TOX: variants seen among roughly 807,000 people sequenced by gnomAD.
TOX encodes the protein thymocyte selection associated high mobility group box, also known as thymocyte selection-associated high mobility group box protein TOX.
In TOX, 11 loss-of-function variants were observed where a neutral mutation model predicts 53.7. That is an observed-to-expected ratio of 0.20 (90% CI 0.13 to 0.34). The LOEUF (loss-of-function observed/expected upper bound fraction) is 0.34, where lower values mean the gene tolerates loss of function less well. TOX is among the 10% of genes least tolerant of loss of function. The pLI is 1.00. For missense variants in TOX, 570 were observed against 664.6 expected (o/e 0.86, Z 1.56); for synonymous variants, 225 against 245.3 (o/e 0.92, Z 0.77).
intron 1 of TOX, among the ~76,000 whole-genome samples, chr8:58,970,921 G>A (rs896451836): frequency 4.6e-5 from 7 of 152,124 alleles, no homozygotes; most frequent in Admixed American, 4.6e-4. Flanking sequence ...TAATTTTCCA[G>A]GGATACTGGA....
chr8:58,876,914 C>G (rs2129170514), intron 3 of TOX, among the ~76,000 whole-genome samples: 1 of 152,282 alleles, frequency 6.6e-6, no homozygotes, highest in South Asian at 2.1e-4. Context: ...TGAGAATGTT[C>G]TGAATTCCAA....
At chr8:58,999,970 A>G (rs980719364) in intron 1 of TOX, among the ~76,000 whole-genome samples, 1 of 152,218 alleles carries the variant, frequency 6.6e-6, no homozygotes, top group Non-Finnish European at 1.5e-5. Flanking sequence ...TTTCACTGGA[A>G]TTCTGCAAGC....
chr8:58,839,772 T>C (rs548834657), intron 4 of TOX, among the ~76,000 whole-genome samples: 3 of 152,258 alleles, frequency 2.0e-5, no homozygotes, highest in South Asian at 4.1e-4. Context: ...GTAATATGTA[T>C]CTTATTTAGA....
chr8:58,968,073 G>A (rs1024600464), intron 1 of TOX, among the ~76,000 whole-genome samples: 2 of 152,158 alleles, frequency 1.3e-5, no homozygotes, highest in African/African-American at 4.8e-5. Flanking sequence ...CCTATATCAT[G>A]AAAGCATTAC....
At chr8:59,107,661 T>G (rs1185550373) in intron 1 of TOX, among the ~76,000 whole-genome samples, 1 of 152,140 alleles carries the variant, frequency 6.6e-6, no homozygotes, top group Non-Finnish European at 1.5e-5. Flanking sequence ...CACTACCAGA[T>G]AGAGAGAGAG....
chr8:58,963,335 ATAGATAGG>A (rs927233865), intron 1 of TOX, among the ~76,000 whole-genome samples: 2 of 152,062 alleles, frequency 1.3e-5, no homozygotes, highest in Non-Finnish European at 2.9e-5. Context: ...AGATAGATAG[ATAGATAGG>A]TAGATAGATA....
intron 3 of TOX, among the ~76,000 whole-genome samples, chr8:58,904,367 G>A (rs1811780682): frequency 6.6e-6 from 1 of 152,052 alleles, no homozygotes; most frequent in Admixed American, 6.6e-5. Flanking sequence ...GTTTCCAGTG[G>A]GGGTAAAATA....
At chr8:58,992,822 G>A (rs1056480082) in intron 1 of TOX, 5 of 152,132 alleles carry the variant, frequency 3.3e-5, no homozygotes, top group African/African-American at 7.2e-5. Context: ...TGAAGATGGA[G>A]ATAAAAAAGG....
At chr8:59,103,980 G>A (rs181686554) in intron 1 of TOX, among the ~76,000 whole-genome samples, 71 of 152,258 alleles carry the variant, frequency 4.7e-4, no homozygotes, top group African/African-American at 1.6e-3. Context: ...CTTCATATGT[G>A]CTTTAAGAAG....
intron 1 of TOX, among the ~76,000 whole-genome samples, chr8:59,108,683 C>T (rs28425531): frequency 2.1e-5 from 3 of 145,800 alleles, no homozygotes; most frequent in Non-Finnish European, 4.5e-5. Flanking sequence ...CACACACACA[C>T]ACATACACAC....
At chr8:59,025,026 A>G (rs1229265835) in intron 1 of TOX, among the ~76,000 whole-genome samples, 1 of 152,144 alleles carries the variant, frequency 6.6e-6, no homozygotes, top group Non-Finnish European at 1.5e-5. Flanking sequence ...CAATCTCCAT[A>G]TTTCTACCAC....
intron 3 of TOX, among the ~76,000 whole-genome samples, chr8:58,932,643 G>T (rs113631011): frequency 1.3e-5 from 2 of 152,194 alleles, no homozygotes; most frequent in African/African-American, 4.8e-5. Context: ...TTTCTGCTTG[G>T]CTTTGAAAGC....
intron 2 of TOX, among the ~76,000 whole-genome samples, chr8:58,952,857 T>C (rs772929280): frequency 2.0e-5 from 3 of 152,168 alleles, no homozygotes; most frequent in Non-Finnish European, 4.4e-5. Flanking sequence ...GAAATGTATA[T>C]GATACACAAC....
At chr8:59,032,215 C>G (rs1814371181) in intron 1 of TOX, among the ~76,000 whole-genome samples, 1 of 151,916 alleles carries the variant, frequency 6.6e-6, no homozygotes, top group Admixed American at 6.6e-5. Flanking sequence ...CCCTAAGTAA[C>G]TAGGATGGAA....
chr8:58,914,932 A>T (rs988797824), intron 3 of TOX, among the ~76,000 whole-genome samples: 13 of 152,070 alleles, frequency 8.5e-5, no homozygotes, highest in African/African-American at 3.1e-4. Flanking sequence ...AGTCAAAGAA[A>T]GGGGTGATGG....
chr8:58,858,362 C>T (rs145330409), intron 3 of TOX, among the ~76,000 whole-genome samples: 184 of 152,340 alleles, frequency 1.2e-3, no homozygotes, highest in African/African-American at 4.2e-3. Flanking sequence ...AACACACCAG[C>T]CTTGAAAGCT....
At chr8:58,910,557 C>A (rs536392103) in intron 3 of TOX, among the ~76,000 whole-genome samples, 1 of 152,102 alleles carries the variant, frequency 6.6e-6, no homozygotes, top group Non-Finnish European at 1.5e-5. Context: ...TTTGTTGGGG[C>A]ATGTTGTGAC....
At chr8:59,086,284 C>A (rs905511620) in intron 1 of TOX, among the ~76,000 whole-genome samples, 9 of 152,132 alleles carry the variant, frequency 5.9e-5, no homozygotes, top group Non-Finnish European at 1.3e-4. Context: ...CATACCCGGA[C>A]TAAAGCCCAC....
intron 1 of TOX, among the ~76,000 whole-genome samples, chr8:58,993,444 C>T (rs1038452617): frequency 6.6e-6 from 1 of 152,134 alleles, no homozygotes; most frequent in Admixed American, 6.5e-5. Flanking sequence ...TAAGCACAGG[C>T]CGTTCCAAAG....
Sources: allele counts gnomAD v4.1 joint callset (sites outside exome capture counted in the v4.1 genomes callset), GRCh38; gene constraint gnomAD v4.1.1; transcripts MANE v1.5; gene names NCBI Gene and HGNC (gene_info 2026-07-23, HGNC 2026-07-21).